DSE: variants seen among roughly 807,000 people sequenced by gnomAD.
The protein encoded by DSE is dermatan-sulfate epimerase.
DSE carries 36 observed loss-of-function variants against 84.4 expected under a neutral mutation model. The ratio of observed to expected loss-of-function variants is 0.43; its 90% CI spans 0.33 to 0.56. DSE has a LOEUF of 0.56. DSE is among the 20% of genes least tolerant of loss of function. DSE has a pLI of 0.06. For synonymous variants in DSE, 410 were observed against 430.1 expected (o/e 0.95, Z 0.58); for missense variants, 862 against 1,169.6 (o/e 0.74, Z 3.84).
At chr6:116,397,574 G>A (rs1406859770) in intron 1 of DSE, among the ~76,000 whole-genome samples, 1 of 152,246 alleles carries the variant, frequency 6.6e-6, no homozygotes, top group East Asian at 1.9e-4. Flanking sequence ...CTCAGACCCA[G>A]CCATTTCTGT....
chr6:116,255,950 C>T (rs1204853), intron 1 of DSE: 116,351 of 152,210 alleles, frequency 0.76, 45,886 homozygotes, highest in East Asian at 1. Flanking sequence ...CATCTCTAGC[C>T]TGTATTAGTT....
At chr6:116,326,730 T>G (rs569098459) in intron 2 of DSE, among the ~76,000 whole-genome samples, 34 of 152,096 alleles carry the variant, frequency 2.2e-4, no homozygotes, top group Non-Finnish European at 4.6e-4. Flanking sequence ...TGAATTTAGG[T>G]GAAGACTTAA....
chr6:116,318,078 A>AATATATAT (rs1326841028), intron 2 of DSE, among the ~76,000 whole-genome samples: 1 of 152,232 alleles, frequency 6.6e-6, no homozygotes, highest in East Asian at 1.9e-4. Context: ...TGATCGAACA[A>AATATATAT]GGAGTGGACA....
chr6:116,270,022 T>C (rs1047227166), intron 2 of DSE, among the ~76,000 whole-genome samples: 1 of 152,142 alleles, frequency 6.6e-6, no homozygotes, highest in African/African-American at 2.4e-5. Flanking sequence ...GATAGAGTTA[T>C]ACTTTAGTAA....
At chr6:116,371,242 C>A in intron 1 of DSE, 121 bp downstream of exon 1, 3 of 977,282 alleles carry the variant, frequency 3.1e-6, no homozygotes, top group Non-Finnish European at 2.4e-6. Flanking sequence ...GCCACGTCCC[C>A]GGCTGAGAGC....
intron 2 of DSE, chr6:116,279,055 C>T: frequency 1.2e-6 from 2 of 1,613,182 alleles, no homozygotes; most frequent in Non-Finnish European, 1.7e-6. Context: ...TCGACGCATC[C>T]GCCCAAACTT....
chr6:116,382,481 T>G (rs1236760255), intron 1 of DSE, among the ~76,000 whole-genome samples: 1 of 152,222 alleles, frequency 6.6e-6, no homozygotes, highest in Non-Finnish European at 1.5e-5. Context: ...CCCTGTTTCC[T>G]GAAAAGATAT....
chr6:116,439,368 TTCATTTTAAAGTAG>T lies in DSE; in HGVS notation c.*2026_*2039del, dbSNP rs1174032674. 1.3e-5 allele frequency: 2 copies of T among 152,152 alleles called. No individual in the cohort carries two copies. The highest frequency in any genetic ancestry group is 6.5e-5 in the Admixed American group (1 of 15,270). The allele number at this position is 152,152 out of a possible 1,614,324, so 9.4% of individuals were successfully genotyped here. On this transcript the variant is annotated 3_prime_UTR_variant, in exon 6 of 6. Coordinates refer to ENST00000644252, the MANE Select transcript of DSE (RefSeq NM_013352.4). ...AGCATGATCCAGTGTAACATATTAG[TTCATTTTAAAGTAG>T]TCTTTTTAAAATACGCATCTTTAAA...
intron 2 of DSE, among the ~76,000 whole-genome samples, chr6:116,339,019 G>A (rs1458386339): frequency 1.3e-5 from 2 of 152,102 alleles, no homozygotes. Flanking sequence ...TAGAAGCTCT[G>A]TTCATCTGTA....
chr6:116,293,692 A>G (rs1774450675), intron 2 of DSE, among the ~76,000 whole-genome samples: 1 of 152,130 alleles, frequency 6.6e-6, no homozygotes, highest in Non-Finnish European at 1.5e-5. Flanking sequence ...GCTTGAGCTC[A>G]GGAGTTCAAG....
intron 2 of DSE, among the ~76,000 whole-genome samples, chr6:116,362,899 G>A (rs1283221406): frequency 1.3e-5 from 2 of 152,126 alleles, no homozygotes; most frequent in Non-Finnish European, 2.9e-5. Flanking sequence ...TCTATTTATA[G>A]CTAAGGACAC....
intron 2 of DSE, among the ~76,000 whole-genome samples, chr6:116,406,688 A>G (rs1162124807): frequency 6.6e-6 from 1 of 152,214 alleles, no homozygotes; most frequent in Non-Finnish European, 1.5e-5. Flanking sequence ...AGGTATCTTA[A>G]GAATGGCTTT....
rs779394883 is a variant in DSE at position 116,435,740 on chromosome 6, A to G, written c.1272A>G (p.Gly424=). ...FLSFKSGKLG[G]RAIYDIVHRN... is the part of the protein sequence containing the mutation. ...CCTTCAAGTCTGGAAAACTGGGGGG[A>G]CGTGCAATATATGACATTGTCCACA... Residue 424 remains glycine (G), a synonymous_variant, in exon 6 of 6, where the codon GGA becomes GGG. Transcript: ENST00000644252. 3 of 1,614,018 alleles carry G rather than the reference A, an allele frequency of 1.9e-6. No homozygotes were observed. Among genetic ancestry groups the G allele is most frequent in the Non-Finnish European group, 1.7e-6 (2 of 1,179,988 alleles).
chr6:116,399,480 C>T lies in DSE; in HGVS notation c.230C>T (p.Thr77Met), dbSNP rs150685110. ...GCCCGCCTCACGGAGGCTGTGCACA[C>T]GATGCTGTCCAGCCCCTTGGAATAC... The part of the protein sequence containing the change: ...IAARLTEAVH[T>M]MLSSPLEYLP... The change falls in exon 2 of 6, where the codon ACG becomes ATG. Residue 77 changes from threonine to methionine, a missense_variant. Physicochemically the swap from Thr to Met is moderately conservative, Grantham distance 81. Around this residue, in one of 4 missense-constraint regions of DSE, gnomAD observed 309 missense variants for 516.9 expected, o/e 0.60. Transcript: ENST00000644252. 1.6e-5 allele frequency: 26 copies of T among 1,614,110 alleles called. No individual in the cohort carries two copies. The highest frequency in any genetic ancestry group is 4.4e-5 in the South Asian group (4 of 91,086).
intron 1 of DSE, among the ~76,000 whole-genome samples, chr6:116,379,233 G>A (rs1283028076): frequency 6.6e-6 from 1 of 152,078 alleles, no homozygotes; most frequent in African/African-American, 2.4e-5. Context: ...GGGTCAGTGG[G>A]CTTGAAGGAT....
chr6:116,352,509 C>T (rs775370993), intron 2 of DSE, among the ~76,000 whole-genome samples: 3 of 152,168 alleles, frequency 2.0e-5, no homozygotes, highest in Non-Finnish European at 4.4e-5. Context: ...GTGCTTGGAG[C>T]AGTGGTTCTC....
chr6:116,271,042 T>C (rs925590817), intron 2 of DSE, among the ~76,000 whole-genome samples: 3 of 152,218 alleles, frequency 2.0e-5, no homozygotes, highest in Non-Finnish European at 4.4e-5. Context: ...GAATTAGATA[T>C]CCAAAGCCCA....
In DSE at chr6:116,254,206, A is replaced by G. The variant is rs78428164; in HGVS notation, c.-665A>G. The G allele has an allele frequency of 8.9e-4, 645 of 722,062 alleles. 6 individuals carry two copies. The East Asian group carries it at 0.016, about 18-fold the overall frequency. The allele number at this position is 722,062 out of a possible 1,614,324, so 44.7% of individuals were successfully genotyped here. Reference sequence around the variant, plus strand: ...TTGACTACGCTTATCAATCCATCGTATTCCTTTGTCTTCTTGTCACAAAAA... The same window carrying G: ...TTGACTACGCTTATCAATCCATCGTGTTCCTTTGTCTTCTTGTCACAAAAA... On this transcript the variant is annotated 5_prime_UTR_variant, in exon 1 of 4. Transcript: ENST00000430252.
At chr6:116,382,574 T>G (rs1780304105) in intron 1 of DSE, among the ~76,000 whole-genome samples, 1 of 152,202 alleles carries the variant, frequency 6.6e-6, no homozygotes, top group Non-Finnish European at 1.5e-5. Context: ...TTAAGATAAA[T>G]GAGACATTAT....
Sources: allele counts gnomAD v4.1 joint callset (sites outside exome capture counted in the v4.1 genomes callset), GRCh38; gene constraint gnomAD v4.1.1; regional missense constraint gnomAD v4.1.1; transcripts MANE v1.5; gene names NCBI Gene and HGNC (gene_info 2026-07-23, HGNC 2026-07-21).